The following CFAP47 variants were observed in gnomAD, a reference collection of about 807,000 sequenced individuals.
The protein encoded by CFAP47 is cilia and flagella associated protein 47, also known as cilia- and flagella-associated protein 47.
Under a neutral mutation model 148.1 loss-of-function variants are expected in CFAP47, and 29 were observed. The observed-to-expected ratio is 0.20, with a 90% CI of 0.15 to 0.27. The LOEUF (loss-of-function observed/expected upper bound fraction) is 0.27. Among genes scored for constraint, CFAP47 ranks in the 10% least tolerant of loss-of-function variants. CFAP47 has a pLI of 1.00. For synonymous variants in CFAP47, 664 were observed against 577.3 expected, an observed-to-expected ratio of 1.15 and a Z score of -2.15; for missense variants, 1,872 against 1,697.5, an observed-to-expected ratio of 1.10 and a Z score of -1.81.
At chrX:36,373,453 GTT>G (rs1941991361) in intron 62 of CFAP47, among the ~76,000 whole-genome samples, 1 of 109,269 alleles carries the variant, frequency 9.2e-6, no homozygotes, top group Non-Finnish European at 1.9e-5. Flanking sequence ...GTGCGTGTGT[GTT>G]TGTGTGTGTG....
intron 8 of CFAP47, among the ~76,000 whole-genome samples, chrX:35,962,935 G>A (rs1936351857): frequency 1.0e-5 from 1 of 98,728 alleles, no homozygotes; most frequent in African/African-American, 4.4e-5. Context: ...TGGTGTGTGT[G>A]TGTGTGTGTG....
chrX:35,926,174 T>A lies in CFAP47; in HGVS notation c.401+6T>A, dbSNP rs373412771. On this transcript the variant is annotated splice_donor_region_variant and intron_variant, in intron 2 of 63. Coordinates refer to ENST00000378653, the MANE Select transcript of CFAP47 (RefSeq NM_001304548.2). ...ACAGAAATTCCTCTAATTGGGTATG[T>A]AATCTTCATAGTTCATGCTGACATT... 1.7e-5 allele frequency: 20 copies of A among 1,168,859 alleles called. No individual in the cohort carries two copies. The highest frequency in any genetic ancestry group is 2.3e-5 in the Non-Finnish European group (20 of 860,612).
intron 48 of CFAP47, among the ~76,000 whole-genome samples, chrX:36,243,432 A>G: frequency 9.1e-6 from 1 of 109,379 alleles, no homozygotes; most frequent in South Asian, 4.0e-4. Flanking sequence ...TGTCTTCAAG[A>G]GACCCGTCTC....
intron 25 of CFAP47, among the ~76,000 whole-genome samples, chrX:36,039,651 C>T (rs933175165): frequency 2.7e-5 from 3 of 111,877 alleles, no homozygotes; most frequent in African/African-American, 9.8e-5. Context: ...GCTCAGTCTT[C>T]CTCCAAGCTC....
chrX:36,009,187 C>T (rs915845527), intron 21 of CFAP47, among the ~76,000 whole-genome samples: 4 of 110,648 alleles, frequency 3.6e-5, no homozygotes, highest in African/African-American at 6.6e-5. Context: ...TGACAGTTTG[C>T]GAAACATACT....
chrX:35,995,261 A>G (rs922458384), intron 18 of CFAP47, among the ~76,000 whole-genome samples: 1 of 111,697 alleles, frequency 9.0e-6, no homozygotes, highest in Non-Finnish European at 1.9e-5. Flanking sequence ...TACCAAATGG[A>G]TGATAGTGGG....
In CFAP47 at chrX:35,975,799, A is replaced by G; in HGVS notation, c.2599A>G (p.Thr867Ala). The G allele has an allele frequency of 1.7e-6, 2 of 1,210,820 alleles. No homozygotes were observed. The highest frequency in any genetic ancestry group is 2.2e-6 in the Non-Finnish European group (2 of 894,995). The part of the protein sequence containing the change: ...VLRPRGFFMK[T>A]CFRGTVRLYN... ...GAGACCACGAGGCTTCTTCATGAAA[A>G]CATGTTTTCGGGGGACAGTTAGATT... is the stretch of plus-strand genomic sequence containing the variant. The change falls in exon 15 of 64, where the codon ACA (threonine) becomes GCA (alanine). Residue 867 changes from threonine (T) to alanine (A), a missense_variant. By Grantham distance (58) the Thr-to-Ala change is moderately conservative. Coordinates refer to ENST00000378653, the MANE Select transcript of CFAP47 (RefSeq NM_001304548.2).
rs6653955 is a variant in CFAP47 at position 35,953,752 on chromosome X, G to A, written c.1174+33G>A. ...TGAAATTAACAAAATTATCAAATCC[G>A]TAGCCATTTAAATTGTTTAAAAATT... On this transcript the variant is annotated intron_variant, in intron 7 of 63. Transcript: ENST00000378653. The A allele has an allele frequency of 3.7e-3, 4,039 of 1,097,019 alleles. 74 individuals carry two copies. The African/African-American group carries it at 0.065, about 18-fold the overall frequency. The allele number at this position is 1,097,019 out of a possible 1,213,427, so 90.4% of individuals were successfully genotyped here. A position where few individuals can be genotyped will look rare whatever the true frequency, so the allele number is the denominator to read the frequency against.
chrX:36,100,066 C>T (rs1016297646), intron 32 of CFAP47, among the ~76,000 whole-genome samples, 187 bp downstream of exon 32: 1 of 111,296 alleles, frequency 9.0e-6, no homozygotes, highest in African/African-American at 3.3e-5. Flanking sequence ...GTATCTCTTT[C>T]CTCCTCAGTA....
intron 33 of CFAP47, among the ~76,000 whole-genome samples, chrX:36,122,889 G>T (rs888366705): frequency 2.7e-5 from 3 of 111,235 alleles, no homozygotes; most frequent in East Asian, 2.9e-4. Flanking sequence ...GGGAGTTGAA[G>T]AACTCTTAAC....
intron 2 of CFAP47, among the ~76,000 whole-genome samples, chrX:35,937,104 GTTTTTTTTTTT>G (rs377601530): frequency 7.7e-4 from 43 of 55,541 alleles, no homozygotes; most frequent in African/African-American, 1.2e-3. Context: ...TGCAATTGCT[GTTTTTTTTTTT>G]TTTTTTTTTT....
At chrX:36,023,735 C>T (rs1216262195) in intron 22 of CFAP47, among the ~76,000 whole-genome samples, 6 of 112,440 alleles carry the variant, frequency 5.3e-5, no homozygotes, top group Non-Finnish European at 9.4e-5. Context: ...CATGTGGCCA[C>T]TGCCACCACA....
intron 33 of CFAP47, among the ~76,000 whole-genome samples, chrX:36,133,343 C>T (rs1044421489): frequency 1.8e-5 from 2 of 111,098 alleles, no homozygotes; most frequent in Admixed American, 1.9e-4. Context: ...CAGAATACTA[C>T]AGATTGGGTA....
At chrX:36,110,608 T>A (rs1290317960) in intron 33 of CFAP47, among the ~76,000 whole-genome samples, 1 of 112,105 alleles carries the variant, frequency 8.9e-6, no homozygotes, top group Non-Finnish European at 1.9e-5. Context: ...TTTGGTTCCA[T>A]ATGAATTTTA....
intron 33 of CFAP47, among the ~76,000 whole-genome samples, chrX:36,131,925 ATAG>A (rs775590213): frequency 3.2e-4 from 36 of 111,245 alleles, no homozygotes; most frequent in Non-Finnish European, 5.1e-4. Context: ...TTAAAAGAAG[ATAG>A]TAGTGATGAT....
intron 22 of CFAP47, among the ~76,000 whole-genome samples, chrX:36,026,986 T>C (rs1468046403): frequency 9.2e-6 from 1 of 108,475 alleles, no homozygotes; most frequent in Non-Finnish European, 1.9e-5. Context: ...ATATCCATTA[T>C]ATGCTACTCA....
chrX:36,074,679 G>C (rs188226301), intron 29 of CFAP47, among the ~76,000 whole-genome samples: 1 of 111,025 alleles, frequency 9.0e-6, no homozygotes, highest in Non-Finnish European at 1.9e-5. Flanking sequence ...TATATGTACA[G>C]TGTGGAATAA....
intron 27 of CFAP47, among the ~76,000 whole-genome samples, chrX:36,067,266 C>T (rs1431763745): frequency 8.9e-6 from 1 of 111,764 alleles, no homozygotes; most frequent in Non-Finnish European, 1.9e-5. Context: ...CAGAATTCAA[C>T]TGTCTTCTGG....
intron 37 of CFAP47, among the ~76,000 whole-genome samples, chrX:36,154,053 TCTC>T (rs1267440130): frequency 8.9e-6 from 1 of 111,931 alleles, no homozygotes; most frequent in Non-Finnish European, 1.9e-5. Context: ...TCCATATTAA[TCTC>T]CTTATCAAAC....
Sources: allele counts gnomAD v4.1 joint callset (sites outside exome capture counted in the v4.1 genomes callset), GRCh38; gene constraint gnomAD v4.1.1; transcripts MANE v1.5; gene names NCBI Gene and HGNC (gene_info 2026-07-23, HGNC 2026-07-21).